The following ERG variants were observed in gnomAD, a reference collection of about 807,000 sequenced individuals.
ERG encodes the protein transcriptional regulator ERG.
A neutral mutation model predicts 55.3 loss-of-function variants in ERG; 9 were observed. The observed-to-expected ratio is 0.16, with a 90% CI of 0.10 to 0.28. ERG has a LOEUF of 0.28. Among genes scored for constraint, ERG ranks in the 10% least tolerant of loss-of-function variants. The pLI, the probability that ERG is intolerant of heterozygous loss-of-function variation, is 1.00. For missense variants in ERG, 434 were observed against 631.6 expected (o/e 0.69, Z 3.35); for synonymous variants, 223 against 237.3 (o/e 0.94, Z 0.55).
intron 3 of ERG, among the ~76,000 whole-genome samples, chr21:38,410,961 A>G (rs772838656): frequency 3.9e-5 from 6 of 152,234 alleles, no homozygotes; most frequent in South Asian, 2.1e-4. Flanking sequence ...CCTCTAAGCC[A>G]TATCACAAGC....
rs148927019 is a variant in ERG at position 38,649,739 on chromosome 21, T to C, written c.-150+11919A>G. 3.8e-3 allele frequency among the ~76,000 whole-genome samples: 586 copies of C among 152,348 alleles called. 3 individuals are homozygous for C. The highest frequency in any genetic ancestry group is 0.015 in the South Asian group (73 of 4,832). ...TTACCCCTAAAGGGCTCACACCTAGTGGCCCACGTTCCTTATAGGACGAAA... is the reference window on the plus strand; with the variant it reads ...TTACCCCTAAAGGGCTCACACCTAGCGGCCCACGTTCCTTATAGGACGAAA... On this transcript the variant is annotated intron_variant, in intron 1 of 10. Coordinates refer to the ERG transcript ENST00000398910.
chr21:38,632,685 G>A (rs941333745), intron 1 of ERG, among the ~76,000 whole-genome samples: 3 of 152,118 alleles, frequency 2.0e-5, no homozygotes, highest in African/African-American at 4.8e-5. Flanking sequence ...TGATTGTGAG[G>A]CCTCCCCAGC....
chr21:38,423,654 G>C, intron 2 of ERG, 93 bp from the exon 3 acceptor site: 2 of 1,354,230 alleles, frequency 1.5e-6, no homozygotes, highest in Non-Finnish European at 2.0e-6. Context: ...CCAAAGAAGG[G>C]CAAGGCGGAA....
intron 2 of ERG, among the ~76,000 whole-genome samples, chr21:38,433,454 C>A (rs1990313310): frequency 6.6e-6 from 1 of 152,104 alleles, no homozygotes; most frequent in Admixed American, 6.6e-5. Flanking sequence ...GTGGTGGGGA[C>A]TAATATTACT....
intron 2 of ERG, among the ~76,000 whole-genome samples, chr21:38,438,091 C>T (rs1206112012): frequency 6.6e-6 from 1 of 152,208 alleles, no homozygotes; most frequent in Non-Finnish European, 1.5e-5. Flanking sequence ...TCAAGCTGAC[C>T]TCAGGGCCTT....
chr21:38,546,228 A>AC (rs1380663625), intron 2 of ERG, among the ~76,000 whole-genome samples: 1 of 152,174 alleles, frequency 6.6e-6, no homozygotes, highest in Non-Finnish European at 1.5e-5. Flanking sequence ...TGAAGTTTTT[A>AC]CTTTTTTCTA....
chr21:38,532,682 A>G (rs1016303939), intron 2 of ERG, among the ~76,000 whole-genome samples: 25 of 152,234 alleles, frequency 1.6e-4, no homozygotes, highest in African/African-American at 6.0e-4. Context: ...AATATTTTCA[A>G]GAGAATGGGG....
chr21:38,432,980 G>C (rs1990289309), intron 2 of ERG, among the ~76,000 whole-genome samples: 2 of 152,186 alleles, frequency 1.3e-5, no homozygotes, highest in Non-Finnish European at 2.9e-5. Context: ...CATGGATGAG[G>C]GTTACAGACG....
intron 1 of ERG, among the ~76,000 whole-genome samples, chr21:38,658,287 C>G (rs2060531470): frequency 6.6e-6 from 1 of 152,196 alleles, no homozygotes; most frequent in Non-Finnish European, 1.5e-5. Context: ...ATTTTGCCAC[C>G]TTGACCAAAC....
At chr21:38,495,366 T>C (rs1265852521) in intron 1 of ERG, among the ~76,000 whole-genome samples, 3 of 152,252 alleles carry the variant, frequency 2.0e-5, no homozygotes, top group Non-Finnish European at 4.4e-5. Flanking sequence ...AGTAACTTCT[T>C]TAGGCAAGTC....
intron 2 of ERG, among the ~76,000 whole-genome samples, chr21:38,558,862 A>G (rs1261655858): frequency 6.6e-6 from 1 of 152,264 alleles, no homozygotes; most frequent in African/African-American, 2.4e-5. Context: ...CAGATAAAAA[A>G]TCAGCACAGA....
At chr21:38,496,397 G>A (rs1374096954) in intron 1 of ERG, among the ~76,000 whole-genome samples, 3 of 152,088 alleles carry the variant, frequency 2.0e-5, no homozygotes, top group East Asian at 1.9e-4. Context: ...TGGGCTTTGC[G>A]CTAACGTAAT....
At chr21:38,502,219 A>T (rs1388421075), upstream of ERG, among the ~76,000 whole-genome samples, 1 of 152,252 alleles carries the variant, frequency 6.6e-6, no homozygotes, top group African/African-American at 2.4e-5. Flanking sequence ...CCTCAAAAAC[A>T]TTGCAGGAAA....
At chr21:38,520,597 A>C (rs184338805) in intron 2 of ERG, among the ~76,000 whole-genome samples, 60 of 152,296 alleles carry the variant, frequency 3.9e-4, no homozygotes, top group Middle Eastern at 3.4e-3. Context: ...TTGTGTACAG[A>C]AAAGGTTTGT....
rs79295316 is a variant in ERG, at chr21:38,408,481, G to A, written c.389-4772C>T. Reference sequence around the variant, plus strand: ...GAGGAAACACTTAACAAATCTCTGGGCAGTGAAGTGATAACAAGACTGAAG... The same window carrying A: ...GAGGAAACACTTAACAAATCTCTGGACAGTGAAGTGATAACAAGACTGAAG... On this transcript the variant is annotated intron_variant, in intron 3 of 9. Transcript: ENST00000288319. Among the ~76,000 whole-genome samples, 479 of 152,292 alleles carry A rather than the reference G, an allele frequency of 3.1e-3. 4 individuals carry two copies. Among genetic ancestry groups the A allele is most frequent in the Middle Eastern group, 0.02 (6 of 294 alleles).
In ERG at chr21:38,626,767, A is replaced by G. The variant is rs560276232; in HGVS notation, c.-150+34891T>C. On this transcript the variant is annotated intron_variant, in intron 1 of 10. Transcript: ENST00000398910. ...AGTCAAATTAGTATTATGTATTTAT[A>G]ACCTTTATTGATTGATTGATGGCCT... Among the ~76,000 whole-genome samples the G allele has an allele frequency of 6.9e-4, 105 of 152,330 alleles. No homozygotes were observed. The South Asian group carries it at 8.3e-3, about 12-fold the overall frequency.
chr21:38,468,919 A>C (rs1348703590), intron 1 of ERG, among the ~76,000 whole-genome samples: 1 of 145,486 alleles, frequency 6.9e-6, no homozygotes, highest in East Asian at 2.2e-4. Context: ...CGGGAGGCGG[A>C]GCTTGCAGTG....
At chr21:38,581,139 A>C (rs954054015) in intron 1 of ERG, among the ~76,000 whole-genome samples, 5 of 152,172 alleles carry the variant, frequency 3.3e-5, no homozygotes, top group African/African-American at 1.2e-4. Flanking sequence ...TGGGTGCCCC[A>C]GCACCTGGGG....
At chr21:38,431,769 A>T (rs1329178660) in intron 2 of ERG, among the ~76,000 whole-genome samples, 1 of 152,240 alleles carries the variant, frequency 6.6e-6, no homozygotes, top group Non-Finnish European at 1.5e-5. Context: ...GCTTCTCATG[A>T]AGAAAACTGG....
Sources: gnomAD v4.1 joint callset for allele counts (sites outside exome capture counted in the v4.1 genomes callset) on GRCh38, gnomAD v4.1.1 for gene constraint, MANE v1.5 for transcripts, NCBI Gene and HGNC (gene_info 2026-07-23, HGNC 2026-07-21) for gene names.